The following NRXN1 variants were observed in gnomAD, a reference collection of about 807,000 sequenced individuals.
The protein encoded by NRXN1 is neurexin 1.
NRXN1 carries 39 observed loss-of-function variants against 150.9 expected under a neutral mutation model. The observed-to-expected ratio is 0.26, with a 90% CI of 0.20 to 0.34. The LOEUF is 0.34. NRXN1 is among the 10% of genes least tolerant of loss of function. NRXN1 has a pLI of 1.00. For missense variants in NRXN1, 1,815 were observed against 1,949.9 expected (o/e 0.93, Z 1.30); for synonymous variants, 924 against 757.0 (o/e 1.22, Z -3.62).
intron 8 of NRXN1, among the ~76,000 whole-genome samples, chr2:50,565,930 T>C (rs76892934): frequency 0.013 from 2,011 of 152,272 alleles, 23 homozygotes; most frequent in Middle Eastern, 0.054. Flanking sequence ...AGATGTAGTT[T>C]CTGGCAATAC....
chr2:50,886,660 G>C (rs904120043), intron 5 of NRXN1, among the ~76,000 whole-genome samples: 1 of 151,396 alleles, frequency 6.6e-6, no homozygotes, highest in Admixed American at 6.6e-5. Flanking sequence ...GTGTGACTGG[G>C]TGGGAGTGTT....
At chr2:50,195,815 T>C (rs1350984849) in intron 18 of NRXN1, among the ~76,000 whole-genome samples, 4 of 152,064 alleles carry the variant, frequency 2.6e-5, no homozygotes, top group Non-Finnish European at 5.9e-5. Context: ...ATTAATAATA[T>C]TAATGATTTT....
intron 18 of NRXN1, among the ~76,000 whole-genome samples, chr2:50,196,568 G>T (rs893948822): frequency 3.3e-5 from 5 of 152,112 alleles, no homozygotes; most frequent in Non-Finnish European, 7.3e-5. Flanking sequence ...CAGTGTAGAA[G>T]TGAGGCAATA....
intron 17 of NRXN1, among the ~76,000 whole-genome samples, chr2:50,317,894 C>T (rs1422230316): frequency 6.6e-6 from 1 of 151,886 alleles, no homozygotes; most frequent in Non-Finnish European, 1.5e-5. Context: ...GTAACCTCAG[C>T]TATTCATGTT....
chr2:50,172,769 C>A (rs1476885147), intron 18 of NRXN1, among the ~76,000 whole-genome samples: 1 of 152,050 alleles, frequency 6.6e-6, no homozygotes, highest in African/African-American at 2.4e-5. Context: ...GAGTTCGAGA[C>A]CAGCCTAATA....
chr2:50,773,753 C>G (rs1351905969), intron 5 of NRXN1, among the ~76,000 whole-genome samples: 1 of 152,120 alleles, frequency 6.6e-6, no homozygotes, highest in Non-Finnish European at 1.5e-5. Flanking sequence ...GGGAAGGTTT[C>G]CAGGCCATTT....
At chr2:50,812,136 T>C (rs1292540083) in intron 5 of NRXN1, among the ~76,000 whole-genome samples, 2 of 152,184 alleles carry the variant, frequency 1.3e-5, no homozygotes, top group Non-Finnish European at 2.9e-5. Context: ...TATTTAAACA[T>C]TTGGTTTTGT....
At chr2:50,980,363 A>G (rs187421681) in intron 2 of NRXN1, among the ~76,000 whole-genome samples, 247 of 152,254 alleles carry the variant, frequency 1.6e-3, no homozygotes, top group Non-Finnish European at 3.2e-3. Flanking sequence ...TGAGCTGTTC[A>G]TTCAAAAGTT....
intron 17 of NRXN1, among the ~76,000 whole-genome samples, chr2:50,454,664 TCACACACACACACACACACACA>T (rs3052512): frequency 3.0e-4 from 42 of 140,814 alleles, no homozygotes; most frequent in Middle Eastern, 3.7e-3. Context: ...TGGGCAAAGA[TCACACACACACACACACACACA>T]CACACACACA....
At chr2:50,809,764 A>G (rs1559294034) in intron 5 of NRXN1, among the ~76,000 whole-genome samples, 1 of 152,172 alleles carries the variant, frequency 6.6e-6, no homozygotes, top group Non-Finnish European at 1.5e-5. Context: ...GGTCACTGAC[A>G]TGTTTAATAT....
intron 18 of NRXN1, among the ~76,000 whole-genome samples, chr2:50,190,479 G>C (rs1310851112): frequency 6.6e-6 from 1 of 151,926 alleles, no homozygotes; most frequent in Non-Finnish European, 1.5e-5. Context: ...TTAGTTTCTA[G>C]TATTAACTAA....
chr2:50,952,634 C>T (rs1471814121), intron 2 of NRXN1, among the ~76,000 whole-genome samples: 1 of 152,102 alleles, frequency 6.6e-6, no homozygotes, highest in Non-Finnish European at 1.5e-5. Context: ...TAAAAATGAA[C>T]TAGAAGAGCA....
intron 17 of NRXN1, among the ~76,000 whole-genome samples, chr2:50,424,953 T>C (rs934998058): frequency 2.0e-5 from 3 of 152,336 alleles, no homozygotes; most frequent in Non-Finnish European, 2.9e-5. Flanking sequence ...CTACATTTAG[T>C]AACAATGAGA....
rs766022913 is a variant in NRXN1 at position 50,612,631 on chromosome 2, C to G, written c.1320+7391G>C. ...CTCCCTTACCCCTTCAGCAAAAGCT[C>G]CTACTTTTCATGTACATTTGTATAG... On this transcript the variant is annotated intron_variant, in intron 8 of 22. Coordinates refer to ENST00000401669, the MANE Select transcript of NRXN1 (RefSeq NM_001330078.2). Among the ~76,000 whole-genome samples the G allele has an allele frequency of 2.5e-4, 38 of 152,142 alleles. 1 individual carries two copies. The highest frequency in any genetic ancestry group is 1.0e-4 in the Non-Finnish European group (7 of 68,024).
chr2:49,949,634 C>G (rs1474899581), intron 21 of NRXN1, among the ~76,000 whole-genome samples: 1 of 151,768 alleles, frequency 6.6e-6, no homozygotes, highest in Non-Finnish European at 1.5e-5. Flanking sequence ...CCGATTTATT[C>G]TAAAATTTTA....
At chr2:50,356,011 T>C (rs2078785096) in intron 17 of NRXN1, among the ~76,000 whole-genome samples, 1 of 152,182 alleles carries the variant, frequency 6.6e-6, no homozygotes, top group South Asian at 2.1e-4. Context: ...ATGGAATTCA[T>C]TGTCATATTT....
At chr2:50,824,622 T>C (rs939760285) in intron 5 of NRXN1, among the ~76,000 whole-genome samples, 19 of 152,168 alleles carry the variant, frequency 1.2e-4, no homozygotes, top group African/African-American at 3.9e-4. Flanking sequence ...AATAAATACG[T>C]TGAGGCCAGA....
At chr2:50,835,220 C>A (rs934989061) in intron 5 of NRXN1, among the ~76,000 whole-genome samples, 5 of 151,664 alleles carry the variant, frequency 3.3e-5, no homozygotes, top group Non-Finnish European at 5.9e-5. Flanking sequence ...CAGATTGTCT[C>A]CCAAAAAAAA....
At chr2:50,267,854 G>A (rs2069079713) in intron 17 of NRXN1, among the ~76,000 whole-genome samples, 1 of 151,994 alleles carries the variant, frequency 6.6e-6, no homozygotes. Flanking sequence ...TGAAGTCCAA[G>A]AAGAGAGAGA....
Sources: gnomAD v4.1 joint callset for allele counts (sites outside exome capture counted in the v4.1 genomes callset) on GRCh38, gnomAD v4.1.1 for gene constraint, MANE v1.5 for transcripts, NCBI Gene and HGNC (gene_info 2026-07-23, HGNC 2026-07-21) for gene names.